Variants in GYS2 observed in about 807,000 individuals in gnomAD.
GYS2 encodes the protein glycogen synthase 2, also known as glycogen [starch] synthase, liver.
GYS2 carries 80 observed loss-of-function variants against 85.6 expected under a neutral mutation model. The ratio of observed to expected loss-of-function variants is 0.93; its 90% CI spans 0.78 to 1.13. The LOEUF is 1.13. GYS2 is among the 50% of genes most tolerant of loss of function. The pLI is 0.00. For missense variants in GYS2, 881 were observed against 854.9 expected (o/e 1.03, Z -0.38); for synonymous variants, 328 against 300.7 (o/e 1.09, Z -0.94).
intron 1 of GYS2, among the ~76,000 whole-genome samples, chr12:21,594,373 C>T (rs1944672708): frequency 6.6e-6 from 1 of 152,232 alleles, no homozygotes; most frequent in Non-Finnish European, 1.5e-5. Flanking sequence ...CACCAAAGCA[C>T]TCTTAGCGCT....
At chr12:21,601,566 TCA>T (rs1944756887) in intron 1 of GYS2, among the ~76,000 whole-genome samples, 1 of 152,124 alleles carries the variant, frequency 6.6e-6, no homozygotes, top group Admixed American at 6.6e-5. Context: ...TATTTATCCT[TCA>T]AGTGTCAGCT....
chr12:21,602,408 T>G (rs1307619724), intron 1 of GYS2, among the ~76,000 whole-genome samples: 1 of 151,988 alleles, frequency 6.6e-6, no homozygotes, highest in Non-Finnish European at 1.5e-5. Context: ...ATACCTCATA[T>G]CACTACTATG....
At chr12:21,554,163 GAAGGA>G (rs1327222071) in intron 11 of GYS2, among the ~76,000 whole-genome samples, 3 of 151,752 alleles carry the variant, frequency 2.0e-5, no homozygotes, top group African/African-American at 4.8e-5. Flanking sequence ...AAGAAGGAAG[GAAGGA>G]AGGAGGGAAG....
At chr12:21,584,738 T>C (rs895648425) in intron 1 of GYS2, among the ~76,000 whole-genome samples, 1 of 152,216 alleles carries the variant, frequency 6.6e-6, no homozygotes, top group Non-Finnish European at 1.5e-5. Context: ...AATAGACACT[T>C]ACTCTGGATA....
intron 4 of GYS2, among the ~76,000 whole-genome samples, chr12:21,571,656 A>C (rs1447890435): frequency 6.6e-6 from 1 of 152,006 alleles, no homozygotes; most frequent in Non-Finnish European, 1.5e-5. Flanking sequence ...CATCTAGGAA[A>C]TTCTGCTACA....
intron 4 of GYS2, among the ~76,000 whole-genome samples, chr12:21,573,222 T>C (rs1380502845): frequency 6.6e-6 from 1 of 152,226 alleles, no homozygotes; most frequent in Admixed American, 6.5e-5. Flanking sequence ...ATTTGAGTAT[T>C]ATTTGTGTAT....
At chr12:21,541,285 A>AC (rs920894098) in intron 13 of GYS2, among the ~76,000 whole-genome samples, 11 of 137,510 alleles carry the variant, frequency 8.0e-5, no homozygotes, top group Non-Finnish European at 1.5e-4. Context: ...AAAAAAAAAA[A>AC]AAAAAACAAA....
intron 1 of GYS2, among the ~76,000 whole-genome samples, chr12:21,586,447 CT>C (rs1263730188): frequency 1.3e-5 from 2 of 151,756 alleles, no homozygotes; most frequent in Non-Finnish European, 2.9e-5. Context: ...ATCTATCTAT[CT>C]ATCTATCTAT....
chr12:21,600,066 T>C (rs1004736802), intron 1 of GYS2, among the ~76,000 whole-genome samples: 1 of 152,186 alleles, frequency 6.6e-6, no homozygotes, highest in Non-Finnish European at 1.5e-5. Flanking sequence ...ACTTTAGCTG[T>C]AGACAGCAAG....
chr12:21,569,362 T>C (rs779073845), intron 4 of GYS2, among the ~76,000 whole-genome samples: 65 of 152,334 alleles, frequency 4.3e-4, no homozygotes, highest in Non-Finnish European at 6.6e-4. Flanking sequence ...CTCCAAAGTC[T>C]TTTATATATT....
chr12:21,576,099 T>C (rs772654285), intron 2 of GYS2, 42 bp from the exon 3 acceptor site: 1 of 1,488,518 alleles, frequency 6.7e-7, no homozygotes, highest in East Asian at 2.3e-5. Context: ...TATTAAGTCA[T>C]GCAAGACAGG....
chr12:21,568,736 C>A, intron 5 of GYS2, 129 bp downstream of exon 5: 1 of 803,970 alleles, frequency 1.2e-6, no homozygotes, highest in East Asian at 2.5e-5. Context: ...AATTAAAATA[C>A]ATAAAAAGAG....
Position 21,562,954 on chromosome 12 carries a change from G to C in GYS2, c.1026C>G (p.Phe342Leu). 6.2e-7 allele frequency: 1 copy of C among 1,611,364 alleles called. No homozygotes were observed. ...AATTTAGCCTGGATAAGGATTCTAG[G>C]AAGATGTCAGCTCCTTTGTTTGAAA... ...YEFSNKGADI[F>L]LESLSRLNFL... is the part of the protein sequence containing the mutation. The change falls in exon 7 of 16, where the codon TTC (phenylalanine) becomes TTG (leucine). Residue 342 changes from phenylalanine (F) to leucine (L), a missense_variant. Transcript: ENST00000261195.
rs200974247 is a variant in GYS2 at position 21,546,302 on chromosome 12, A to G, written c.1549+42T>C. On this transcript the variant is annotated intron_variant, in intron 12 of 15. Transcript: ENST00000261195. ...ATATATGCACATAAAATAATATACTAACAAAATTCAAAACATTCCACACTC... is the reference window on the plus strand; with the variant it reads ...ATATATGCACATAAAATAATATACTGACAAAATTCAAAACATTCCACACTC... The G allele has an allele frequency of 2.6e-4, 364 of 1,412,362 alleles. No homozygotes were observed. In the African/African-American group the frequency reaches 4.8e-3, roughly 19 times the overall value. 87.5% of individuals were successfully genotyped at this position (1,412,362 alleles called of 1,614,324 possible).
At chr12:21,540,871 G>A (rs1051367918) in intron 13 of GYS2, among the ~76,000 whole-genome samples, 1 of 152,156 alleles carries the variant, frequency 6.6e-6, no homozygotes, top group African/African-American at 2.4e-5. Flanking sequence ...TTTCCAGGGC[G>A]GGGCCTGGAT....
At chr12:21,574,391 A>G (rs902414928) in intron 3 of GYS2, 65 bp from the exon 4 acceptor site, 2 of 1,202,884 alleles carry the variant, frequency 1.7e-6, no homozygotes, top group Admixed American at 3.4e-5. Context: ...CTCATGGTCC[A>G]CATCATAAGT....
intron 11 of GYS2, among the ~76,000 whole-genome samples, chr12:21,550,274 G>T (rs1944090296): frequency 6.6e-6 from 1 of 151,074 alleles, no homozygotes. Flanking sequence ...CATTGTCATT[G>T]GCCTATTACT....
At chr12:21,581,743 T>A (rs1356164907) in intron 1 of GYS2, among the ~76,000 whole-genome samples, 3 of 152,032 alleles carry the variant, frequency 2.0e-5, no homozygotes, top group African/African-American at 7.3e-5. Context: ...TGGGGGAAAA[T>A]TAAGGAGAGT....
At chr12:21,554,646 G>C (rs549996503) in intron 11 of GYS2, among the ~76,000 whole-genome samples, 1 of 152,122 alleles carries the variant, frequency 6.6e-6, no homozygotes, top group Non-Finnish European at 1.5e-5. Flanking sequence ...GGAAACAACC[G>C]TTCCTGTCTG....
Sources: allele counts gnomAD v4.1 joint callset (sites outside exome capture counted in the v4.1 genomes callset), GRCh38; gene constraint gnomAD v4.1.1; transcripts MANE v1.5; gene names NCBI Gene and HGNC (gene_info 2026-07-23, HGNC 2026-07-21).